The following SMAD9 variants were observed in gnomAD, a reference collection of about 807,000 sequenced individuals.
SMAD9 encodes the protein SMAD family member 9.
SMAD9 carries 36 observed loss-of-function variants against 46.1 expected under a neutral mutation model. That is an observed-to-expected ratio of 0.78 (90% CI 0.60 to 1.03). The LOEUF (loss-of-function observed/expected upper bound fraction) is 1.03, where lower values mean the gene tolerates loss of function less well. SMAD9 is among the 50% of genes least tolerant of loss of function. SMAD9 has a pLI of 0.00. For missense variants in SMAD9, 572 were observed against 599.8 expected, an observed-to-expected ratio of 0.95 and a Z score of 0.48; for synonymous variants, 245 against 237.1, an observed-to-expected ratio of 1.03 and a Z score of -0.31.
chr13:36,902,524 G>A (rs1373311499), intron 1 of SMAD9, among the ~76,000 whole-genome samples: 1 of 151,802 alleles, frequency 6.6e-6, no homozygotes, highest in East Asian at 1.9e-4. Context: ...CACAATCTCA[G>A]CTCACAGCAA....
chr13:36,875,298 CACCAT>C (rs1449609010), intron 2 of SMAD9, among the ~76,000 whole-genome samples: 2 of 152,230 alleles, frequency 1.3e-5, no homozygotes, highest in Non-Finnish European at 2.9e-5. Context: ...CTGCCTTTGA[CACCAT>C]ACATCTATCT....
chr13:36,889,816 T>C (rs1356970511), intron 1 of SMAD9, among the ~76,000 whole-genome samples: 1 of 152,178 alleles, frequency 6.6e-6, no homozygotes, highest in East Asian at 1.9e-4. Context: ...TGGTAAATAA[T>C]GATTGCCCTT....
chr13:36,853,295 A>T (rs2138283129), intron 6 of SMAD9, 124 bp downstream of exon 6: 1 of 888,714 alleles, frequency 1.1e-6, no homozygotes, highest in African/African-American at 1.7e-5. Context: ...AAAAAATAAT[A>T]ATAATAATAA....
intron 2 of SMAD9, among the ~76,000 whole-genome samples, chr13:36,878,175 TACACACAC>T (rs58444769): frequency 1.3e-5 from 2 of 150,210 alleles, no homozygotes; most frequent in Admixed American, 6.6e-5. Flanking sequence ...ATAATATACA[TACACACAC>T]ACACACACAC....
intron 1 of SMAD9, among the ~76,000 whole-genome samples, chr13:36,906,535 C>A (rs752453121): frequency 7.9e-5 from 12 of 151,990 alleles, no homozygotes; most frequent in Non-Finnish European, 1.6e-4. Flanking sequence ...TTTAAAAATT[C>A]TTAAAACTCA....
At chr13:36,883,543 G>C (rs2058420997) in intron 1 of SMAD9, among the ~76,000 whole-genome samples, 1 of 152,170 alleles carries the variant, frequency 6.6e-6, no homozygotes, top group African/African-American at 2.4e-5. Flanking sequence ...TTGAGCTCAG[G>C]AATTTGAGAC....
chr13:36,865,739 G>A lies in SMAD9; in HGVS notation c.801C>T (p.Tyr267=), dbSNP rs191749029. The A allele has an allele frequency of 9.9e-6, 16 of 1,613,984 alleles. No individual in the cohort carries two copies. Among genetic ancestry groups the A allele is most frequent in the African/African-American group, 6.7e-5 (5 of 75,026 alleles). ...CCGAGCACCAGTGCTGGGGCTCCTC[G>A]TAACAAACTGGTCGAAAGTCTGGAA... ...IPNGDFRPVC[Y]EEPQHWCSVA... Residue 267 remains tyrosine, a synonymous_variant, in exon 5 of 7, where the codon TAC becomes TAT. Transcript: ENST00000379826.
At chr13:36,917,041 C>T (rs2058703633) in intron 1 of SMAD9, among the ~76,000 whole-genome samples, 1 of 152,020 alleles carries the variant, frequency 6.6e-6, no homozygotes, top group South Asian at 2.1e-4. Flanking sequence ...AAAAGGAAGC[C>T]GACACCAAAG....
intron 1 of SMAD9, among the ~76,000 whole-genome samples, chr13:36,918,892 G>A (rs1460665345): frequency 2.0e-5 from 3 of 152,152 alleles, no homozygotes; most frequent in East Asian, 3.8e-4. Flanking sequence ...TTACTGCTTA[G>A]GAGGCAGCAT....
chr13:36,899,861 C>T (rs1023513375), intron 1 of SMAD9, among the ~76,000 whole-genome samples: 1 of 152,002 alleles, frequency 6.6e-6, no homozygotes, highest in Admixed American at 6.6e-5. Flanking sequence ...TACACTAGTC[C>T]CTCTATTCAT....
chr13:36,878,194 A>G (rs982855270), intron 2 of SMAD9, among the ~76,000 whole-genome samples: 1 of 151,906 alleles, frequency 6.6e-6, no homozygotes, highest in Admixed American at 6.6e-5. Context: ...ACACACACAC[A>G]GGGGTGTGAA....
At chr13:36,879,914 G>GT in intron 1 of SMAD9, 39 bp from the exon 2 acceptor site, 1 of 568,896 alleles carries the variant, frequency 1.8e-6, no homozygotes, top group Non-Finnish European at 3.2e-6. Flanking sequence ...CTTAATCGGA[G>GT]TAACATTCAG....
intron 1 of SMAD9, among the ~76,000 whole-genome samples, chr13:36,918,944 T>C (rs546966016): frequency 7.2e-5 from 11 of 152,330 alleles, no homozygotes; most frequent in African/African-American, 2.4e-4. Context: ...TCCATGCTTC[T>C]TGCTAACCTA....
At chr13:36,872,998 T>A in intron 2 of SMAD9, 83 bp from the exon 3 acceptor site, 1 of 1,506,712 alleles carries the variant, frequency 6.6e-7, no homozygotes, top group Non-Finnish European at 9.2e-7. Context: ...TGTTCTTATC[T>A]ATTTTTTGTT....
intron 1 of SMAD9, among the ~76,000 whole-genome samples, chr13:36,898,709 T>C (rs192736161): frequency 3.3e-5 from 5 of 152,332 alleles, no homozygotes; most frequent in Non-Finnish European, 5.9e-5. Context: ...CACTATTCAA[T>C]ACCCATTCAT....
chr13:36,858,576 C>G (rs2058148848), intron 5 of SMAD9, among the ~76,000 whole-genome samples: 2 of 152,168 alleles, frequency 1.3e-5, no homozygotes, highest in South Asian at 4.1e-4. Context: ...GTCACTCAAA[C>G]ACGCAGCCAC....
At chr13:36,911,074 T>C (rs910326408) in intron 1 of SMAD9, among the ~76,000 whole-genome samples, 3 of 152,178 alleles carry the variant, frequency 2.0e-5, no homozygotes, top group Non-Finnish European at 4.4e-5. Flanking sequence ...GGCGTGATCA[T>C]GGCTCACCGC....
intron 5 of SMAD9, among the ~76,000 whole-genome samples, chr13:36,857,216 A>ACT (rs10629368): frequency 0.4 from 60,560 of 151,806 alleles, 15,314 homozygotes; most frequent in African/African-American, 0.72. Context: ...CACACCTGTT[A>ACT]GTTGCAATCA....
chr13:36,869,184 G>T (rs777780135), intron 3 of SMAD9, among the ~76,000 whole-genome samples: 1 of 151,798 alleles, frequency 6.6e-6, no homozygotes, highest in African/African-American at 2.4e-5. Flanking sequence ...TTTGAAAATA[G>T]ATATGGTGAT....
Sources: allele counts gnomAD v4.1 joint callset (sites outside exome capture counted in the v4.1 genomes callset), GRCh38; gene constraint gnomAD v4.1.1; transcripts MANE v1.5; gene names NCBI Gene and HGNC (gene_info 2026-07-23, HGNC 2026-07-21).